The following STAU2 variants were observed in gnomAD, a reference collection of about 807,000 sequenced individuals.
The protein encoded by STAU2 is double-stranded RNA-binding protein Staufen homolog 2.
A neutral mutation model predicts 65.9 loss-of-function variants in STAU2; 20 were observed. The ratio of observed to expected loss-of-function variants is 0.30; its 90% CI spans 0.21 to 0.44. STAU2 has a LOEUF of 0.44. Ranked by LOEUF, STAU2 falls within the 20% of genes least tolerant of loss-of-function variation. The pLI is 1.00. For missense variants in STAU2, 558 were observed against 683.9 expected (o/e 0.82, Z 2.05); for synonymous variants, 232 against 233.9 (o/e 0.99, Z 0.07).
intron 6 of STAU2, among the ~76,000 whole-genome samples, chr8:73,645,988 T>C (rs1815345215): frequency 6.6e-6 from 1 of 152,166 alleles, no homozygotes; most frequent in African/African-American, 2.4e-5. Flanking sequence ...ATATGAGATT[T>C]GTGTGGGGAC....
intron 6 of STAU2, among the ~76,000 whole-genome samples, chr8:73,670,227 G>C (rs1817572842): frequency 6.6e-6 from 1 of 152,108 alleles, no homozygotes; most frequent in Non-Finnish European, 1.5e-5. Flanking sequence ...CCAAGCTGAG[G>C]GCTGGGAAGC....
At chr8:73,672,627 T>C (rs1471153244) in intron 6 of STAU2, among the ~76,000 whole-genome samples, 2 of 152,192 alleles carry the variant, frequency 1.3e-5, no homozygotes, top group African/African-American at 4.8e-5. Context: ...AAAAAAAGAA[T>C]GTAAAGTACA....
At chr8:73,574,625 G>A (rs577803238) in intron 12 of STAU2, among the ~76,000 whole-genome samples, 1 of 152,130 alleles carries the variant, frequency 6.6e-6, no homozygotes, top group African/African-American at 2.4e-5. Context: ...GATAAAGCTG[G>A]AAACCATCAT....
chr8:73,651,194 T>G (rs1815845579), intron 6 of STAU2: 1 of 992,016 alleles, frequency 1.0e-6, no homozygotes, highest in Non-Finnish European at 1.5e-6. Flanking sequence ...CCTCAGGCCG[T>G]CAGCATCAAG....
At chr8:73,747,090 C>T (rs879886487), upstream of STAU2, among the ~76,000 whole-genome samples, 86 of 151,816 alleles carry the variant, frequency 5.7e-4, no homozygotes, top group Non-Finnish European at 1.1e-3. Flanking sequence ...CAGCTCCCGC[C>T]CCCTGGCGGC....
intron 5 of STAU2, among the ~76,000 whole-genome samples, chr8:73,673,573 C>T (rs1475564414): frequency 6.6e-6 from 1 of 151,932 alleles, no homozygotes; most frequent in Non-Finnish European, 1.5e-5. Flanking sequence ...ATTACTTACC[C>T]CAGAAAGCTT....
At chr8:73,666,747 C>A (rs1411838818) in intron 6 of STAU2, among the ~76,000 whole-genome samples, 3 of 152,146 alleles carry the variant, frequency 2.0e-5, no homozygotes, top group Non-Finnish European at 4.4e-5. Context: ...AATAAACAAA[C>A]CCTTTGGGGA....
At chr8:73,629,745 C>A (rs767269383) in intron 6 of STAU2, among the ~76,000 whole-genome samples, 1 of 152,026 alleles carries the variant, frequency 6.6e-6, no homozygotes, top group Non-Finnish European at 1.5e-5. Flanking sequence ...TGCTCTGGAG[C>A]CAATACCACT....
upstream of STAU2, chr8:73,747,441 C>T (rs1281613137): frequency 2.6e-6 from 4 of 1,534,924 alleles, no homozygotes; most frequent in South Asian, 4.8e-5. Context: ...GCGCGACCAT[C>T]CCGCGTCTGC....
intron 13 of STAU2, among the ~76,000 whole-genome samples, chr8:73,499,577 T>C (rs952615023): frequency 2.6e-5 from 4 of 151,852 alleles, no homozygotes; most frequent in African/African-American, 9.7e-5. Flanking sequence ...AGGGTGACTG[T>C]GGCCAGGTCA....
intron 13 of STAU2, among the ~76,000 whole-genome samples, chr8:73,507,694 T>C (rs1423412148): frequency 6.6e-6 from 1 of 152,220 alleles, no homozygotes; most frequent in African/African-American, 2.4e-5. Context: ...TGACTTCTCC[T>C]TTCTAGCTAT....
At chr8:73,746,862 G>A (rs1202809416), upstream of STAU2, 1 of 1,207,110 alleles carries the variant, frequency 8.3e-7, no homozygotes, top group South Asian at 4.1e-5. Flanking sequence ...GCCGCCGCCG[G>A]CTTCCACCCC....
intron 13 of STAU2, among the ~76,000 whole-genome samples, chr8:73,446,336 G>T (rs2383905): frequency 0.44 from 66,795 of 152,046 alleles, 15,095 homozygotes; most frequent in Admixed American, 0.57. Flanking sequence ...AGAGCCTCAT[G>T]GTGACAGAAT....
chr8:73,542,555 T>A (rs1173555570), intron 13 of STAU2, among the ~76,000 whole-genome samples: 1 of 152,030 alleles, frequency 6.6e-6, no homozygotes, highest in Non-Finnish European at 1.5e-5. Flanking sequence ...AGACAAGTCA[T>A]AGGGAGGGAG....
chr8:73,703,403 C>T (rs541452990), intron 4 of STAU2, among the ~76,000 whole-genome samples: 243 of 152,258 alleles, frequency 1.6e-3, no homozygotes, highest in African/African-American at 5.3e-3. Flanking sequence ...GCCTGCAGAA[C>T]CATGAGCTAA....
At chr8:73,619,821 G>C (rs1813095318) in intron 6 of STAU2, among the ~76,000 whole-genome samples, 1 of 151,996 alleles carries the variant, frequency 6.6e-6, no homozygotes, top group Admixed American at 6.5e-5. Flanking sequence ...TCAGGGACAG[G>C]AGTAATTAAC....
chr8:73,499,804 A>G (rs1821635308), intron 13 of STAU2, among the ~76,000 whole-genome samples: 1 of 151,834 alleles, frequency 6.6e-6, no homozygotes, highest in Non-Finnish European at 1.5e-5. Flanking sequence ...ATAAAGATAG[A>G]TAGAAACCAG....
chr8:73,449,109 G>C (rs1376276120), intron 13 of STAU2, among the ~76,000 whole-genome samples: 1 of 152,242 alleles, frequency 6.6e-6, no homozygotes, highest in Non-Finnish European at 1.5e-5. Context: ...CCTTCGAGCA[G>C]GGACCGCGCA....
rs116497381 is a variant in STAU2, at chr8:73,651,546, G to A, written c.410+21561C>T. 3.1e-4 allele frequency: 259 copies of A among 847,946 alleles called. No individual in the cohort carries two copies. In the African/African-American group the frequency reaches 3.9e-3, roughly 13 times the overall value. The allele number at this position is 847,946 out of a possible 1,614,324, so 52.5% of individuals were successfully genotyped here. On this transcript the variant is annotated intron_variant, in intron 6 of 14. Transcript: ENST00000524300. ...TCACCGTCTTCTGGCCTTGCCAATG[G>A]CCTGCACCTGCTGTGCCCTTGGGCA...
Sources: gnomAD v4.1 joint callset for allele counts (sites outside exome capture counted in the v4.1 genomes callset) on GRCh38, gnomAD v4.1.1 for gene constraint, MANE v1.5 for transcripts, NCBI Gene and HGNC (gene_info 2026-07-23, HGNC 2026-07-21) for gene names.